Variants in NAV2 observed in about 807,000 individuals in gnomAD.
The protein encoded by NAV2 is helicase, APC down-regulated 1.
NAV2 carries 54 observed loss-of-function variants against 223.2 expected under a neutral mutation model. The ratio of observed to expected loss-of-function variants is 0.24; its 90% confidence interval spans 0.19 to 0.30. The LOEUF (loss-of-function observed/expected upper bound fraction) is 0.30. Ranked by LOEUF, NAV2 falls within the 10% of genes least tolerant of loss-of-function variation. NAV2 has a pLI of 1.00. For missense variants in NAV2, 2,806 were observed against 3,147.5 expected, an observed-to-expected ratio of 0.89 and a Z score of 2.60; for synonymous variants, 1,279 against 1,239.3, an observed-to-expected ratio of 1.03 and a Z score of -0.67.
intron 1 of NAV2, among the ~76,000 whole-genome samples, chr11:19,807,977 A>G (rs1357241634): frequency 6.6e-6 from 1 of 152,202 alleles, no homozygotes. Context: ...CCACTCTGTC[A>G]TGCTGAATTA....
chr11:19,878,456 C>T (rs891872880), intron 4 of NAV2, among the ~76,000 whole-genome samples: 7 of 152,086 alleles, frequency 4.6e-5, no homozygotes, highest in African/African-American at 1.4e-4. Context: ...TACTGAGGCC[C>T]GGAGAGATTA....
chr11:19,423,205 T>C (rs1480419152), intron 1 of NAV2, among the ~76,000 whole-genome samples: 3 of 152,264 alleles, frequency 2.0e-5, no homozygotes, highest in African/African-American at 7.2e-5. Flanking sequence ...CAAATCTCTT[T>C]GAGCTTTTGT....
At position 20,114,772 on chromosome 11, in the gene NAV2, A is replaced by T. The variant is rs781393190; in HGVS notation, c.7141A>T (p.Ser2381Cys). ...ATCGACAAGCAAGCAGATGCCCCCCAGTGATGCTGAAGGTGACCCGCTGGT... is the reference window on the plus strand; with the variant it reads ...ATCGACAAGCAAGCAGATGCCCCCCTGTGATGCTGAAGGTGACCCGCTGGT... ...EGSTSKQMPP[S>C]DAEGDPLMNM... Residue 2381 changes from serine to cysteine, a missense_variant, in exon 37 of 38, where the codon AGT (serine) becomes TGT (cysteine). By Grantham distance (112) the Ser-to-Cys change is moderately radical. Transcript: ENST00000349880. 1 of 1,613,756 alleles carries T rather than the reference A, an allele frequency of 6.2e-7. No individual in the cohort carries two copies. The highest frequency in any genetic ancestry group is 1.3e-5 in the African/African-American group (1 of 75,020).
chr11:19,669,431 C>T (rs567586214), intron 1 of NAV2, among the ~76,000 whole-genome samples: 58 of 152,338 alleles, frequency 3.8e-4, no homozygotes, highest in African/African-American at 1.3e-3. Context: ...CCTCTCTGTG[C>T]TCAATTTTAA....
chr11:19,376,300 G>A (rs1840633776), intron 1 of NAV2, among the ~76,000 whole-genome samples: 1 of 152,310 alleles, frequency 6.6e-6, no homozygotes, highest in Non-Finnish European at 1.5e-5. Flanking sequence ...AACAATTGCT[G>A]GTGAAGCATC....
rs867656656 is a variant in NAV2 at position 20,106,213 on chromosome 11, A to G, written c.6841+486A>G. Reference sequence around the variant, plus strand: ...TATATATATATATATATATATATATATATATATATATATATATGCTTTATG... The same window carrying G: ...TATATATATATATATATATATATATGTATATATATATATATATGCTTTATG... On this transcript the variant is annotated intron_variant, in intron 35 of 37. Coordinates refer to ENST00000349880, the MANE Select transcript of NAV2 (RefSeq NM_145117.5). Among the ~76,000 whole-genome samples the G allele has an allele frequency of 7.3e-3, 690 of 94,170 alleles. 48 individuals carry two copies. The highest frequency in any genetic ancestry group is 0.021 in the South Asian group (55 of 2,568). The allele number at this position is 94,170 out of a possible 152,430, so 61.8% of individuals were successfully genotyped here.
At chr11:19,981,469 C>T (rs10833212) in intron 10 of NAV2, 79,725 of 152,076 alleles carry the variant, frequency 0.52, 23,669 homozygotes, top group Middle Eastern at 0.68. Flanking sequence ...ATTACCCAAC[C>T]GTGTGTGTTG....
At chr11:19,845,450 A>C (rs1010193566) in intron 3 of NAV2, among the ~76,000 whole-genome samples, 1 of 151,724 alleles carries the variant, frequency 6.6e-6, no homozygotes, top group African/African-American at 2.4e-5. Context: ...CTCTGCTAGG[A>C]AAAAAAAATA....
At chr11:20,109,458 A>C (rs996465050) in intron 36 of NAV2, among the ~76,000 whole-genome samples, 1 of 152,234 alleles carries the variant, frequency 6.6e-6, no homozygotes, top group African/African-American at 2.4e-5. Flanking sequence ...TAAATTGACC[A>C]TAATTTAGTC....
At chr11:19,495,865 T>C (rs992001018) in intron 1 of NAV2, among the ~76,000 whole-genome samples, 3 of 152,112 alleles carry the variant, frequency 2.0e-5, no homozygotes, top group Admixed American at 2.0e-4. Flanking sequence ...ACTTCTCTGA[T>C]AAGGTGATGT....
chr11:19,956,578 T>G (rs560401018), intron 10 of NAV2, among the ~76,000 whole-genome samples: 293 of 152,236 alleles, frequency 1.9e-3, no homozygotes, highest in African/African-American at 6.5e-3. Context: ...GCTGGTGTGT[T>G]ATAAAGCATA....
rs116780715 is a variant in NAV2 at position 19,728,296 on chromosome 11, G to A, written c.267+14334G>A. The stretch of plus-strand genomic sequence containing the variant: ...TTTAGCAAGCTTCATGACTCTGGGC[G>A]CATATTCAGTGGTTCTTCACCAGCC... On this transcript the variant is annotated intron_variant, in intron 1 of 37. Coordinates refer to ENST00000349880, the MANE Select transcript of NAV2 (RefSeq NM_145117.5). Among the ~76,000 whole-genome samples the A allele has an allele frequency of 3.9e-3, 590 of 152,240 alleles. 3 individuals are homozygous for A. Among genetic ancestry groups the A allele is most frequent in the African/African-American group, 0.013 (555 of 41,534 alleles).
rs150948561 is a variant in NAV2, at chr11:20,046,034, A to G, written c.3902+364A>G. On this transcript the variant is annotated intron_variant, in intron 14 of 37. Transcript: ENST00000349880. ...GTAGCTGTGTCTGGTCGTAGTATGC[A>G]CTCAATAGAAGTTAGCTACTGCTGG... 2.6e-5 allele frequency among the ~76,000 whole-genome samples: 4 copies of G among 152,302 alleles called. No individual in the cohort carries two copies. In the East Asian group the frequency reaches 7.7e-4, roughly 29 times the overall value.
At chr11:19,611,789 G>A (rs2046653327) in intron 1 of NAV2, among the ~76,000 whole-genome samples, 2 of 152,158 alleles carry the variant, frequency 1.3e-5, no homozygotes, top group South Asian at 4.1e-4. Context: ...GCTTTTCTAG[G>A]CACATGCTGC....
intron 1 of NAV2, among the ~76,000 whole-genome samples, chr11:19,524,292 A>G (rs1288740272): frequency 6.6e-6 from 1 of 152,170 alleles, no homozygotes; most frequent in South Asian, 2.1e-4. Flanking sequence ...GGGTTATGCA[A>G]CGTCTGTGTG....
chr11:19,397,583 T>C (rs10833103), intron 1 of NAV2, among the ~76,000 whole-genome samples: 30,603 of 152,154 alleles, frequency 0.2, 3,446 homozygotes, highest in South Asian at 0.4. Context: ...ATTTTATTAT[T>C]ATTTTTGCAT....
intron 1 of NAV2, among the ~76,000 whole-genome samples, chr11:19,771,983 C>T (rs546079034): frequency 4.6e-5 from 7 of 152,268 alleles, no homozygotes; most frequent in South Asian, 2.1e-4. Flanking sequence ...GGAGGGGAGA[C>T]GGCACCTCTT....
chr11:19,446,676 C>T (rs1177896275), intron 1 of NAV2, among the ~76,000 whole-genome samples: 1 of 152,158 alleles, frequency 6.6e-6, no homozygotes, highest in East Asian at 1.9e-4. Context: ...GCCTGCCTGC[C>T]GCCAGAGTCA....
At chr11:20,020,635 C>T (rs1487580550) in intron 11 of NAV2, among the ~76,000 whole-genome samples, 1 of 152,168 alleles carries the variant, frequency 6.6e-6, no homozygotes, top group Non-Finnish European at 1.5e-5. Context: ...CTCCTTAAAG[C>T]ACTATGTCTC....
Sources: allele counts gnomAD v4.1 joint callset (sites outside exome capture counted in the v4.1 genomes callset), GRCh38; gene constraint gnomAD v4.1.1; transcripts MANE v1.5; gene names NCBI Gene and HGNC (gene_info 2026-07-23, HGNC 2026-07-21).